Variants in KCNIP4 observed in about 807,000 individuals in gnomAD.
KCNIP4 encodes the protein Kv channel-interacting protein 4.
Under a neutral mutation model 34.0 loss-of-function variants are expected in KCNIP4, and 12 were observed. The observed-to-expected ratio is 0.35, with a 90% CI of 0.23 to 0.57. The LOEUF (loss-of-function observed/expected upper bound fraction) is 0.57, where lower values mean the gene tolerates loss of function less well. Among genes scored for constraint, KCNIP4 ranks in the 20% least tolerant of loss-of-function variants. The probability of loss-of-function intolerance (pLI) is 0.83; values close to 1 mark genes in which losing one functional copy is unlikely to be tolerated. For missense variants in KCNIP4, 238 were observed against 311.7 expected (o/e 0.76, Z 1.78); for synonymous variants, 124 against 102.2 (o/e 1.21, Z -1.29).
At chr4:21,012,857 T>C (rs1298300389) in intron 1 of KCNIP4, among the ~76,000 whole-genome samples, 3 of 152,328 alleles carry the variant, frequency 2.0e-5, no homozygotes, top group South Asian at 2.1e-4. Flanking sequence ...CAGTTGGCCA[T>C]GATCTTAACA....
At chr4:21,529,903 G>A (rs1398638290) in intron 1 of KCNIP4, among the ~76,000 whole-genome samples, 3 of 152,158 alleles carry the variant, frequency 2.0e-5, no homozygotes, top group South Asian at 2.1e-4. Context: ...AGGATTGAAC[G>A]TTTGATCAAT....
chr4:20,862,804 T>A (rs1722345554), intron 2 of KCNIP4, among the ~76,000 whole-genome samples: 1 of 152,150 alleles, frequency 6.6e-6, no homozygotes, highest in Non-Finnish European at 1.5e-5. Context: ...AAGAACAAGA[T>A]TATATCATTT....
intron 1 of KCNIP4, among the ~76,000 whole-genome samples, chr4:21,357,717 G>A (rs1366184456): frequency 6.6e-6 from 1 of 152,180 alleles, no homozygotes; most frequent in African/African-American, 2.4e-5. Context: ...TTACATTGTT[G>A]GTGGGAGTTT....
At chr4:21,572,958 G>A (rs542442908) in intron 1 of KCNIP4, among the ~76,000 whole-genome samples, 5 of 152,142 alleles carry the variant, frequency 3.3e-5, no homozygotes, top group African/African-American at 9.6e-5. Flanking sequence ...TGTGGATTCT[G>A]TTCTCTCATG....
At chr4:20,803,361 G>C (rs1714601362) in intron 3 of KCNIP4, among the ~76,000 whole-genome samples, 1 of 150,620 alleles carries the variant, frequency 6.6e-6, no homozygotes, top group Admixed American at 6.6e-5. Flanking sequence ...TATTATTGCA[G>C]TGGGTCATAC....
intron 1 of KCNIP4, among the ~76,000 whole-genome samples, chr4:20,949,855 T>C (rs1267319831): frequency 1.9e-4 from 10 of 52,048 alleles, no homozygotes; most frequent in African/African-American, 5.4e-4. Context: ...CTGGGGACGG[T>C]TGGGGGGTGG....
chr4:21,457,356 G>C (rs542997939), intron 1 of KCNIP4, among the ~76,000 whole-genome samples: 1 of 151,972 alleles, frequency 6.6e-6, no homozygotes, highest in African/African-American at 2.4e-5. Flanking sequence ...ATGCCTTTTA[G>C]CGTGCCAGCT....
chr4:21,395,015 A>C (rs1722869346), intron 1 of KCNIP4, among the ~76,000 whole-genome samples: 1 of 152,140 alleles, frequency 6.6e-6, no homozygotes, highest in African/African-American at 2.4e-5. Flanking sequence ...AATAACATTT[A>C]ATTATTTGAT....
At chr4:20,991,913 A>G (rs1737113590) in intron 1 of KCNIP4, among the ~76,000 whole-genome samples, 1 of 152,110 alleles carries the variant, frequency 6.6e-6, no homozygotes, top group African/African-American at 2.4e-5. Flanking sequence ...TGATCCTCCC[A>G]GTTCTTGGGC....
chr4:21,032,271 C>T lies in KCNIP4; in HGVS notation c.62-149562G>A, dbSNP rs184751368. ...CATGGACTGTTTTGTGTTGTGTTTG[C>T]GCTGGGCTTAGAGGCTGAGAAGAGT... On this transcript the variant is annotated intron_variant, in intron 1 of 8. Coordinates refer to ENST00000382152, the MANE Select transcript of KCNIP4 (RefSeq NM_025221.6). Among the ~76,000 whole-genome samples the T allele has an allele frequency of 8.4e-4, 128 of 152,168 alleles. 1 individual carries two copies. The highest frequency in any genetic ancestry group is 2.7e-3 in the African/African-American group (112 of 41,532).
intron 1 of KCNIP4, among the ~76,000 whole-genome samples, chr4:21,387,840 C>T (rs111639264): frequency 2.6e-5 from 4 of 152,084 alleles, no homozygotes; most frequent in Non-Finnish European, 2.9e-5. Context: ...ACAAGCATTG[C>T]GAAATGTCAG....
intron 1 of KCNIP4, among the ~76,000 whole-genome samples, chr4:21,563,769 C>T (rs1243154066): frequency 3.9e-5 from 6 of 151,934 alleles, no homozygotes; most frequent in South Asian, 4.1e-4. Context: ...GTAGAAGTGA[C>T]GCTATTTGAA....
At chr4:21,779,065 C>T (rs1174125625) in intron 1 of KCNIP4, among the ~76,000 whole-genome samples, 7 of 151,680 alleles carry the variant, frequency 4.6e-5, no homozygotes, top group African/African-American at 7.3e-5. Context: ...ATGAATCTTG[C>T]CTCTTCCTGT....
chr4:21,424,036 G>C lies in KCNIP4; in HGVS notation c.61+524535C>G, dbSNP rs577927728. Among the ~76,000 whole-genome samples the C allele has an allele frequency of 2.1e-3, 311 of 150,518 alleles. 2 individuals carry two copies. Among genetic ancestry groups the C allele is most frequent in the African/African-American group, 7.3e-3 (300 of 41,018 alleles). On this transcript the variant is annotated intron_variant, in intron 1 of 8. Transcript: ENST00000382152. The stretch of plus-strand genomic sequence containing the variant: ...GGGTTTCACCATGTTGGTCAGGCTG[G>C]TCTGGAGCTCCTGACCTCATGATCC...
At chr4:21,707,322 T>C (rs11735616) in intron 1 of KCNIP4, among the ~76,000 whole-genome samples, 67,865 of 152,018 alleles carry the variant, frequency 0.45, 18,575 homozygotes, top group Non-Finnish European at 0.61. Context: ...AAGTATCTAC[T>C]AAATACAAAT....
intron 1 of KCNIP4, among the ~76,000 whole-genome samples, chr4:21,377,403 G>C (rs1008201841): frequency 1.3e-5 from 2 of 152,306 alleles, no homozygotes; most frequent in South Asian, 4.1e-4. Flanking sequence ...AACTTCCAGA[G>C]ACAATTACTA....
At chr4:20,759,813 G>A (rs1023469226) in intron 3 of KCNIP4, among the ~76,000 whole-genome samples, 1 of 152,092 alleles carries the variant, frequency 6.6e-6, no homozygotes, top group African/African-American at 2.4e-5. Flanking sequence ...CTTGAGTGGT[G>A]GAGACTGACA....
chr4:20,950,725 A>G (rs1331498305), intron 1 of KCNIP4, among the ~76,000 whole-genome samples: 3 of 152,136 alleles, frequency 2.0e-5, no homozygotes, highest in African/African-American at 7.2e-5. Context: ...ATCAGATTTC[A>G]TACTTATTAA....
chr4:21,056,143 C>T lies in KCNIP4; in HGVS notation c.62-173434G>A, dbSNP rs1743378739. On this transcript the variant is annotated intron_variant, in intron 1 of 8. Transcript: ENST00000382152. ...TCTTAAAAAGAGTCCAGAACAAAGA[C>T]AAAACGTACATTTGTTGATATGGAA... is the stretch of plus-strand genomic sequence containing the variant. Among the ~76,000 whole-genome samples, 4 of 152,228 alleles carry T rather than the reference C, an allele frequency of 2.6e-5. No homozygotes were observed. In the South Asian group the frequency reaches 8.3e-4, roughly 32 times the overall value.
Sources: gnomAD v4.1 joint callset for allele counts (sites outside exome capture counted in the v4.1 genomes callset) on GRCh38, gnomAD v4.1.1 for gene constraint, MANE v1.5 for transcripts, NCBI Gene and HGNC (gene_info 2026-07-23, HGNC 2026-07-21) for gene names.